CCSER1: variants seen among roughly 807,000 people sequenced by gnomAD.
CCSER1 encodes the protein serine-rich coiled-coil domain-containing protein 1.
Under a neutral mutation model 82.0 loss-of-function variants are expected in CCSER1, and 41 were observed. That is an observed-to-expected ratio of 0.50 (90% CI 0.39 to 0.65). The LOEUF is 0.65. Ranked by LOEUF, CCSER1 falls within the 30% of genes least tolerant of loss-of-function variation. The probability of loss-of-function intolerance (pLI) is 0.00; values close to 1 mark genes in which losing one functional copy is unlikely to be tolerated. For synonymous variants in CCSER1, 414 were observed against 383.9 expected, an observed-to-expected ratio of 1.08 and a Z score of -0.92; for missense variants, 1,119 against 1,064.2, an observed-to-expected ratio of 1.05 and a Z score of -0.72.
intron 10 of CCSER1, among the ~76,000 whole-genome samples, chr4:91,155,757 G>A (rs1288036700): frequency 6.6e-6 from 1 of 151,830 alleles, no homozygotes; most frequent in African/African-American, 2.4e-5. Context: ...AGATAGAAAA[G>A]ATAACAGGAT....
At chr4:90,181,768 A>G (rs896773771) in intron 1 of CCSER1, among the ~76,000 whole-genome samples, 3 of 152,192 alleles carry the variant, frequency 2.0e-5, no homozygotes, top group Non-Finnish European at 4.4e-5. Flanking sequence ...AGATTTACTG[A>G]CAAAAGAAAT....
intron 4 of CCSER1, among the ~76,000 whole-genome samples, chr4:90,433,646 C>T (rs567785232): frequency 1.2e-3 from 187 of 152,126 alleles, no homozygotes; most frequent in African/African-American, 4.4e-3. Flanking sequence ...GCCTGATTTA[C>T]AAAGTCAGGC....
intron 10 of CCSER1, among the ~76,000 whole-genome samples, chr4:91,290,937 A>G (rs1167684590): frequency 2.0e-5 from 3 of 151,916 alleles, no homozygotes; most frequent in Non-Finnish European, 4.4e-5. Flanking sequence ...TTTTCCTTTT[A>G]AATAATTAAT....
chr4:90,477,835 A>G (rs1415098904), intron 5 of CCSER1, among the ~76,000 whole-genome samples: 1 of 152,094 alleles, frequency 6.6e-6, no homozygotes, highest in Non-Finnish European at 1.5e-5. Context: ...TAGTTGTCCA[A>G]CATTATCAAA....
chr4:91,523,270 G>C (rs897244050), intron 10 of CCSER1, among the ~76,000 whole-genome samples: 2 of 152,150 alleles, frequency 1.3e-5, no homozygotes, highest in Non-Finnish European at 2.9e-5. Flanking sequence ...GCTGTATTTG[G>C]TTTGCCAGTA....
intron 10 of CCSER1, among the ~76,000 whole-genome samples, chr4:91,575,904 A>T (rs1240539958): frequency 6.6e-6 from 1 of 151,956 alleles, no homozygotes; most frequent in Non-Finnish European, 1.5e-5. Flanking sequence ...GGTTCATGAA[A>T]ATATAAATTG....
intron 3 of CCSER1, among the ~76,000 whole-genome samples, chr4:90,313,948 T>C (rs759416579): frequency 1.3e-5 from 2 of 152,220 alleles, no homozygotes; most frequent in Non-Finnish European, 2.9e-5. Flanking sequence ...TGCTCAAAAA[T>C]AAATCACTTA....
chr4:90,510,831 G>A (rs955279770), intron 5 of CCSER1, among the ~76,000 whole-genome samples: 6 of 152,166 alleles, frequency 3.9e-5, no homozygotes, highest in African/African-American at 1.4e-4. Flanking sequence ...GGCCTTCGTG[G>A]TGCTCAGTAA....
chr4:90,725,029 C>T (rs1226778912), intron 7 of CCSER1: 1 of 437,190 alleles, frequency 2.3e-6, no homozygotes, highest in Non-Finnish European at 4.6e-6. Flanking sequence ...TTAGAAGGCC[C>T]TTTCTATACC....
chr4:91,084,064 G>A (rs1047622700), intron 9 of CCSER1, among the ~76,000 whole-genome samples: 7 of 152,058 alleles, frequency 4.6e-5, no homozygotes, highest in Non-Finnish European at 1.0e-4. Flanking sequence ...CCGAGTAGCT[G>A]GGATTATGGG....
intron 5 of CCSER1, among the ~76,000 whole-genome samples, chr4:90,538,613 A>C (rs1775719948): frequency 6.6e-6 from 1 of 152,080 alleles, no homozygotes; most frequent in South Asian, 2.1e-4. Flanking sequence ...TTGTAGCATG[A>C]TATACTGTAT....
chr4:91,093,985 C>T (rs576691296), intron 10 of CCSER1, among the ~76,000 whole-genome samples: 16 of 152,228 alleles, frequency 1.1e-4, no homozygotes, highest in Admixed American at 3.9e-4. Context: ...TTTCTGACCC[C>T]AGGCTGTGCT....
chr4:90,961,393 C>G (rs923589712), intron 9 of CCSER1, among the ~76,000 whole-genome samples: 3 of 152,146 alleles, frequency 2.0e-5, no homozygotes, highest in African/African-American at 7.2e-5. Flanking sequence ...ACCATTAGAT[C>G]ACCTGATCCA....
At chr4:91,238,641 TTTAAG>T (rs944732272) in intron 10 of CCSER1, among the ~76,000 whole-genome samples, 2 of 152,174 alleles carry the variant, frequency 1.3e-5, no homozygotes, top group African/African-American at 4.8e-5. Context: ...ATTATTTTAA[TTTAAG>T]GTCATCAATG....
At chr4:90,361,046 C>T (rs1745288151) in intron 3 of CCSER1, among the ~76,000 whole-genome samples, 1 of 152,040 alleles carries the variant, frequency 6.6e-6, no homozygotes, top group Admixed American at 6.5e-5. Context: ...TTTAAAGGAC[C>T]TGTAGGTGAC....
intron 5 of CCSER1, among the ~76,000 whole-genome samples, chr4:90,604,134 G>C (rs994555145): frequency 2.0e-5 from 3 of 152,160 alleles, no homozygotes; most frequent in African/African-American, 7.2e-5. Context: ...CTATTGAGGG[G>C]TAGATGCCAA....
At chr4:91,556,222 CA>C (rs1426923476) in intron 10 of CCSER1, among the ~76,000 whole-genome samples, 1 of 151,132 alleles carries the variant, frequency 6.6e-6, no homozygotes, top group Non-Finnish European at 1.5e-5. Context: ...AGCTCATTGA[CA>C]GTTAAATACT....
chr4:91,408,261 C>T (rs945907147), intron 10 of CCSER1, among the ~76,000 whole-genome samples: 1 of 152,154 alleles, frequency 6.6e-6, no homozygotes, highest in Non-Finnish European at 1.5e-5. Flanking sequence ...TTTATGGATA[C>T]AGAGACAAAT....
intron 7 of CCSER1, among the ~76,000 whole-genome samples, chr4:90,803,922 T>C (rs930125707): frequency 2.0e-5 from 3 of 152,162 alleles, no homozygotes; most frequent in South Asian, 2.1e-4. Flanking sequence ...CGTGAGATGG[T>C]GTCTCATTGT....
Sources: gnomAD v4.1 joint callset for allele counts (sites outside exome capture counted in the v4.1 genomes callset) on GRCh38, gnomAD v4.1.1 for gene constraint, MANE v1.5 for transcripts, NCBI Gene and HGNC (gene_info 2026-07-23, HGNC 2026-07-21) for gene names.